The following MAGI1 variants were observed in gnomAD, a reference collection of about 807,000 sequenced individuals.
MAGI1 encodes the protein membrane-associated guanylate kinase, WW and PDZ domain-containing protein 1.
Under a neutral mutation model 139.9 loss-of-function variants are expected in MAGI1, and 58 were observed. The ratio of observed to expected loss-of-function variants is 0.41; its 90% confidence interval spans 0.34 to 0.52. The LOEUF is 0.52. Ranked by LOEUF, MAGI1 falls within the 20% of genes least tolerant of loss-of-function variation. The pLI is 0.12. For synonymous variants in MAGI1, 812 were observed against 737.9 expected (o/e 1.10, Z -1.63); for missense variants, 1,874 against 1,901.6 (o/e 0.99, Z 0.27).
At chr3:65,872,471 C>A (rs1490941780) in intron 1 of MAGI1, among the ~76,000 whole-genome samples, 2 of 152,144 alleles carry the variant, frequency 1.3e-5, no homozygotes, top group Admixed American at 1.3e-4. Context: ...CCTGCACACA[C>A]TGGAGGCCAC....
intron 2 of MAGI1, among the ~76,000 whole-genome samples, chr3:65,553,428 T>A (rs1189593196): frequency 1.3e-5 from 2 of 152,196 alleles, no homozygotes; most frequent in African/African-American, 4.8e-5. Context: ...AAAATTTTTT[T>A]AATATAACAT....
chr3:65,850,706 C>A (rs2059171305), intron 1 of MAGI1, among the ~76,000 whole-genome samples: 1 of 152,192 alleles, frequency 6.6e-6, no homozygotes, highest in Non-Finnish European at 1.5e-5. Context: ...AAGCCACCGA[C>A]ACAGAAACAA....
At chr3:65,618,140 T>C (rs887976777) in intron 2 of MAGI1, among the ~76,000 whole-genome samples, 13 of 152,146 alleles carry the variant, frequency 8.5e-5, no homozygotes, top group African/African-American at 2.7e-4. Context: ...AAAAATAATA[T>C]GTACTCATTT....
chr3:65,929,202 G>A (rs1560023920), intron 1 of MAGI1, among the ~76,000 whole-genome samples: 1 of 151,986 alleles, frequency 6.6e-6, no homozygotes, highest in Non-Finnish European at 1.5e-5. Flanking sequence ...CCTGTTTGTA[G>A]AGCACCCCTG....
At chr3:65,889,093 G>A (rs1376728691) in intron 1 of MAGI1, among the ~76,000 whole-genome samples, 1 of 152,130 alleles carries the variant, frequency 6.6e-6, no homozygotes, top group African/African-American at 2.4e-5. Flanking sequence ...GACGCTAAAA[G>A]TACAACTAAT....
intron 1 of MAGI1, among the ~76,000 whole-genome samples, chr3:65,631,320 G>C (rs58712568): frequency 0.014 from 2,072 of 152,260 alleles, 45 homozygotes; most frequent in African/African-American, 0.047. Flanking sequence ...TTTAAGTGTA[G>C]GATGTGTAGG....
chr3:65,745,493 T>C (rs2035625540), intron 1 of MAGI1, among the ~76,000 whole-genome samples: 1 of 152,224 alleles, frequency 6.6e-6, no homozygotes. Flanking sequence ...CAGGCAAGCA[T>C]ATTTTGCATG....
At chr3:65,765,866 A>G (rs1577046637) in intron 1 of MAGI1, among the ~76,000 whole-genome samples, 1 of 112,158 alleles carries the variant, frequency 8.9e-6, no homozygotes, top group Non-Finnish European at 2.2e-5. Flanking sequence ...TTCCTATACA[A>G]AAGTCACTTT....
intron 1 of MAGI1, among the ~76,000 whole-genome samples, chr3:65,691,598 C>G (rs1182350216): frequency 6.6e-6 from 1 of 152,098 alleles, no homozygotes; most frequent in African/African-American, 2.4e-5. Context: ...ACACTGAACT[C>G]AAAGGCCCAC....
intron 14 of MAGI1, among the ~76,000 whole-genome samples, chr3:65,390,499 T>A (rs1943833344): frequency 6.6e-6 from 1 of 152,150 alleles, no homozygotes. Context: ...TTTTTGGAAA[T>A]CATTTCATAA....
intron 1 of MAGI1, among the ~76,000 whole-genome samples, chr3:65,665,157 C>T (rs1312719346): frequency 6.6e-6 from 1 of 152,196 alleles, no homozygotes; most frequent in Non-Finnish European, 1.5e-5. Context: ...CAGCAAATTT[C>T]CTACCTCTTT....
At chr3:65,361,031 A>AATGTGTAGAG in intron 22 of MAGI1, 168 bp downstream of exon 22, 3 of 1,497,696 alleles carry the variant, frequency 2.0e-6, no homozygotes, top group Non-Finnish European at 2.7e-6. Context: ...AAAAGGATGA[A>AATGTGTAGAG]ATGTGTAGAG....
At chr3:65,642,638 C>T (rs575273548) in intron 1 of MAGI1, among the ~76,000 whole-genome samples, 5 of 152,268 alleles carry the variant, frequency 3.3e-5, no homozygotes, top group African/African-American at 1.2e-4. Flanking sequence ...GAAAGTAAAT[C>T]GGTTACATTT....
chr3:65,869,803 C>G (rs1165804005), intron 1 of MAGI1, among the ~76,000 whole-genome samples: 1 of 152,136 alleles, frequency 6.6e-6, no homozygotes, highest in African/African-American at 2.4e-5. Flanking sequence ...AAATGAGGAT[C>G]CTGGCCGCTT....
intron 12 of MAGI1, among the ~76,000 whole-genome samples, chr3:65,405,214 G>A (rs1575629730): frequency 6.6e-6 from 1 of 152,100 alleles, no homozygotes; most frequent in African/African-American, 2.4e-5. Flanking sequence ...CTATTAAAAT[G>A]GTGTCATTTT....
intron 1 of MAGI1, among the ~76,000 whole-genome samples, chr3:65,680,778 GATATGATATGATATGAT>G (rs1378334573): frequency 7.4e-6 from 1 of 135,714 alleles, no homozygotes; most frequent in East Asian, 1.9e-4. Context: ...GATATGATAT[GATATGATATGATATGAT>G]ATACTTTAAT....
At position 65,932,090 on chromosome 3, in the gene MAGI1, A is replaced by G. The variant is rs565455401; in HGVS notation, c.313+105906T>C. Among the ~76,000 whole-genome samples the G allele has an allele frequency of 7.9e-5, 12 of 152,338 alleles. No individual in the cohort carries two copies. The South Asian group carries it at 1.9e-3, about 24-fold the overall frequency. On this transcript the variant is annotated intron_variant, in intron 1 of 22. Coordinates refer to ENST00000402939, the MANE Select transcript of MAGI1 (RefSeq NM_001033057.2). The stretch of plus-strand genomic sequence containing the variant: ...ATCGAGTTTTCTAATGTTTGTGGAC[A>G]CAAATGCTTACAAATATTTCAAAAT...
rs757626815 is a variant in MAGI1, at chr3:65,356,481, C to G, written c.4286G>C (p.Arg1429Thr). The G allele has an allele frequency of 2.5e-6, 4 of 1,611,798 alleles. No individual in the cohort carries two copies. The African/African-American group carries it at 4.0e-5, about 16-fold the overall frequency. ...NREDRASHRE[R>T]EEANLKQDAG... Reference sequence around the variant, plus strand: ...ATCCTGTTTCAGATTCGCCTCTTCCCTTTCTCGGTGGCTGGCTCTGTCCTC... The same window carrying G: ...ATCCTGTTTCAGATTCGCCTCTTCCGTTTCTCGGTGGCTGGCTCTGTCCTC... The change falls in exon 23 of 23, where the codon AGG becomes ACG. Residue 1429 changes from arginine (R) to threonine (T), a missense_variant. Arg to Thr is a moderately conservative substitution (Grantham distance 71). Around this residue, in one of 5 missense-constraint regions of MAGI1, gnomAD observed 653 missense variants for 644.5 expected, o/e 1.01. Coordinates refer to ENST00000402939, the MANE Select transcript of MAGI1 (RefSeq NM_001033057.2).
At chr3:65,548,609 G>GC (rs1023097212) in intron 2 of MAGI1, among the ~76,000 whole-genome samples, 12 of 141,560 alleles carry the variant, frequency 8.5e-5, no homozygotes, top group African/African-American at 3.3e-4. Context: ...TGCAACCTCT[G>GC]CCTCCCAGGT....
Sources: allele counts gnomAD v4.1 joint callset (sites outside exome capture counted in the v4.1 genomes callset), GRCh38; gene constraint gnomAD v4.1.1; regional missense constraint gnomAD v4.1.1; transcripts MANE v1.5; gene names NCBI Gene and HGNC (gene_info 2026-07-23, HGNC 2026-07-21).